CAPN2: variants seen among roughly 807,000 people sequenced by gnomAD.
The protein encoded by CAPN2 is calpain 2, also known as calpain-2 catalytic subunit.
In CAPN2, 92 loss-of-function variants were observed where a neutral mutation model predicts 102.3. That is an observed-to-expected ratio of 0.90 (90% CI 0.76 to 1.07). CAPN2 has a LOEUF of 1.07. CAPN2 is among the 50% of genes least tolerant of loss of function. CAPN2 has a pLI of 0.00. For synonymous variants in CAPN2, 340 were observed against 355.4 expected (o/e 0.96, Z 0.49); for missense variants, 800 against 909.4 (o/e 0.88, Z 1.55).
Position 223,726,443 on chromosome 1 carries a change from G to T in CAPN2, c.307+8612G>T, listed in dbSNP as rs1424396678. Among the ~76,000 whole-genome samples, 2 of 152,110 alleles carry T rather than the reference G, an allele frequency of 1.3e-5. No homozygotes were observed. The highest frequency in any genetic ancestry group is 2.9e-5 in the Non-Finnish European group (2 of 68,022). On this transcript the variant is annotated intron_variant, in intron 2 of 20. Coordinates refer to ENST00000295006, the MANE Select transcript of CAPN2 (RefSeq NM_001748.5). This position sits in a 1 kb window ranked among gnomAD's most constrained non-coding sequence, Gnocchi z 4.4. ...GGCCCAGGAGGGTCAGGGCTGCAGG[G>T]AACAGGGACACAAAAACGACAAAAC...
chr1:223,711,422 A>G (rs965912991), upstream of CAPN2, among the ~76,000 whole-genome samples: 1 of 152,168 alleles, frequency 6.6e-6, no homozygotes, highest in Admixed American at 6.5e-5. Flanking sequence ...CTCTCTCCCT[A>G]TAGTAACCCA....
chr1:223,769,201 C>T (rs962937624), intron 16 of CAPN2, among the ~76,000 whole-genome samples: 4 of 152,168 alleles, frequency 2.6e-5, no homozygotes, highest in Non-Finnish European at 5.9e-5. Flanking sequence ...CTCACTCGAA[C>T]CTCCGCCTCC....
At chr1:223,740,979 G>A (rs868370692) in intron 2 of CAPN2, among the ~76,000 whole-genome samples, 6 of 152,206 alleles carry the variant, frequency 3.9e-5, no homozygotes, top group African/African-American at 7.2e-5. Flanking sequence ...AGCTAGGAGC[G>A]TTGGGTGATC....
chr1:223,708,756 A>G (rs1659667264), upstream of CAPN2, among the ~76,000 whole-genome samples: 1 of 151,676 alleles, frequency 6.6e-6, no homozygotes, highest in Non-Finnish European at 1.5e-5. Context: ...GGGCAACAAG[A>G]GTGAAACAAG....
chr1:223,741,675 A>G (rs1660621004), intron 2 of CAPN2, among the ~76,000 whole-genome samples: 1 of 152,014 alleles, frequency 6.6e-6, no homozygotes, highest in African/African-American at 2.4e-5. Flanking sequence ...GGCTGGTCTC[A>G]AACTCCTGAC....
At chr1:223,720,774 A>C (rs80140371) in intron 2 of CAPN2, among the ~76,000 whole-genome samples, 3 of 152,138 alleles carry the variant, frequency 2.0e-5, no homozygotes, top group African/African-American at 7.2e-5. Context: ...ATAAAAAAAA[A>C]CTGAGCCACA....
rs754827782 is a variant in CAPN2, at chr1:223,772,241, T to C, written c.2079+2T>C. 4.3e-6 allele frequency: 7 copies of C among 1,613,722 alleles called. No individual in the cohort carries two copies. In the South Asian group the frequency reaches 6.6e-5, roughly 15 times the overall value. On this transcript the variant is annotated splice_donor_variant, in intron 20 of 20. Transcript: ENST00000295006. LOFTEE classifies it high-confidence loss of function. ...ACAATAGAGCTCGACCTTATCTCTGTGAGTCAGCAGGCCCCGCCTTGCTTC... is the reference window on the plus strand; with the variant it reads ...ACAATAGAGCTCGACCTTATCTCTGCGAGTCAGCAGGCCCCGCCTTGCTTC...
At chr1:223,713,797 G>A (rs1363405279) in intron 1 of CAPN2, among the ~76,000 whole-genome samples, 1 of 152,214 alleles carries the variant, frequency 6.6e-6, no homozygotes, top group African/African-American at 2.4e-5. Flanking sequence ...TAGGTAGCAA[G>A]GGCTGCAGGA....
Position 223,759,181 on chromosome 1 carries a change from C to T in CAPN2, c.1318-89C>T. ...ACAGCAGGACTGAGCCACCACACTA[C>T]CCAACTGCTTTTATCTCAGTGAATG... is the stretch of plus-strand genomic sequence containing the variant. On this transcript the variant is annotated intron_variant, in intron 11 of 20. Coordinates refer to ENST00000295006, the MANE Select transcript of CAPN2 (RefSeq NM_001748.5). The surrounding 1 kb of genome is among the most constrained non-coding windows in gnomAD (Gnocchi z 4.6). 7.9e-7 allele frequency: 1 copy of T among 1,265,768 alleles called. No individual in the cohort carries two copies. Among genetic ancestry groups the T allele is most frequent in the South Asian group, 1.2e-5 (1 of 80,386 alleles). 78.4% of individuals were successfully genotyped at this position (1,265,768 alleles called of 1,614,324 possible).
chr1:223,710,848 C>T (rs902804049), upstream of CAPN2, among the ~76,000 whole-genome samples: 4 of 149,124 alleles, frequency 2.7e-5, no homozygotes, highest in South Asian at 2.2e-4. Context: ...TGAGTTGTCC[C>T]GCCTTTCTGA....
At chr1:223,707,236 T>TTA in intron 1 of CAPN2, among the ~76,000 whole-genome samples, 1 of 134,146 alleles carries the variant, frequency 7.5e-6, no homozygotes, top group South Asian at 2.3e-4. Context: ...TTCTCTTATT[T>TTA]TCTCTCTCTC....
At chr1:223,768,988 C>G (rs1233399065) in intron 16 of CAPN2, among the ~76,000 whole-genome samples, 1 of 152,176 alleles carries the variant, frequency 6.6e-6, no homozygotes, top group East Asian at 1.9e-4. Context: ...TGCTCTAGCT[C>G]CTTCCCAGGC....
At chr1:223,702,744 C>G (rs528818319) in intron 1 of CAPN2, among the ~76,000 whole-genome samples, 71 of 152,104 alleles carry the variant, frequency 4.7e-4, no homozygotes, top group African/African-American at 1.7e-3. Context: ...CCAAGTGGCC[C>G]CTGTGACTGG....
chr1:223,708,466 A>G (rs1659660053), upstream of CAPN2, among the ~76,000 whole-genome samples: 1 of 151,780 alleles, frequency 6.6e-6, no homozygotes, highest in Admixed American at 6.6e-5. Flanking sequence ...GGACACTTCA[A>G]TAGAAAGAAA....
intron 15 of CAPN2, 26 bp from the exon 16 acceptor site, chr1:223,766,341 C>T: frequency 1.3e-6 from 2 of 1,588,732 alleles, no homozygotes; most frequent in Non-Finnish European, 1.7e-6. Context: ...AGAGATTTTT[C>T]CTGTCACACT....
intron 6 of CAPN2, among the ~76,000 whole-genome samples, chr1:223,749,786 G>A (rs1268638220): frequency 2.0e-5 from 3 of 152,166 alleles, no homozygotes; most frequent in Non-Finnish European, 4.4e-5. Context: ...AGACCGAGGT[G>A]GGAGGATCAC....
Position 223,756,633 on chromosome 1 carries a change from C to T in CAPN2, c.1306-736C>T, listed in dbSNP as rs1376637236. Among the ~76,000 whole-genome samples the T allele has an allele frequency of 6.6e-6, 1 of 152,190 alleles. No individual in the cohort carries two copies. Among genetic ancestry groups the T allele is most frequent in the East Asian group, 1.9e-4 (1 of 5,192 alleles). ...AGGAGAGGAGGCTCTGTGCTCACCACTGGCAACGTTGCCACCCATGGAACA... is the reference window on the plus strand; with the variant it reads ...AGGAGAGGAGGCTCTGTGCTCACCATTGGCAACGTTGCCACCCATGGAACA... On this transcript the variant is annotated intron_variant, in intron 10 of 20. Transcript: ENST00000295006. The surrounding 1 kb of genome is among the most constrained non-coding windows in gnomAD (Gnocchi z 4.1).
chr1:223,738,925 C>G (rs116440556), intron 2 of CAPN2, among the ~76,000 whole-genome samples: 1,566 of 152,334 alleles, frequency 0.01, 22 homozygotes, highest in African/African-American at 0.036. Context: ...AACACCCTAA[C>G]TGCACTCCTC....
chr1:223,719,805 C>T (rs76923329), intron 2 of CAPN2, among the ~76,000 whole-genome samples: 5 of 143,656 alleles, frequency 3.5e-5, no homozygotes, highest in African/African-American at 1.4e-4. Context: ...GGGGTGTGTG[C>T]GTGTGTGTGT....
Sources: gnomAD v4.1 joint callset for allele counts (sites outside exome capture counted in the v4.1 genomes callset) on GRCh38, gnomAD v4.1.1 for gene constraint, Gnocchi (gnomAD v3.1) non-coding constraint, MANE v1.5 for transcripts, NCBI Gene and HGNC (gene_info 2026-07-23, HGNC 2026-07-21) for gene names.